The following RPA2 variants were observed in gnomAD, a reference collection of about 807,000 sequenced individuals.
RPA2 encodes the protein replication protein A2.
RPA2 carries 22 observed loss-of-function variants against 33.4 expected under a neutral mutation model. That is an observed-to-expected ratio of 0.66 (90% CI 0.47 to 0.94). RPA2 has a LOEUF of 0.94. RPA2 is among the 40% of genes least tolerant of loss of function. RPA2 has a pLI of 0.00. For missense variants in RPA2, 279 were observed against 329.9 expected, an observed-to-expected ratio of 0.85 and a Z score of 1.19; for synonymous variants, 109 against 114.9, an observed-to-expected ratio of 0.95 and a Z score of 0.33.
chr1:27,910,897 T>A (rs1389183284), intron 2 of RPA2, among the ~76,000 whole-genome samples: 1 of 152,008 alleles, frequency 6.6e-6, no homozygotes, highest in African/African-American at 2.4e-5. Context: ...TACCTAACTT[T>A]TAACTGTGGA....
chr1:27,899,305 G>A (rs930289801), intron 4 of RPA2, among the ~76,000 whole-genome samples: 2 of 151,882 alleles, frequency 1.3e-5, no homozygotes, highest in Non-Finnish European at 2.9e-5. Flanking sequence ...TCAGGAGTTC[G>A]AGACCAGCCT....
chr1:27,909,148 G>A (rs2090067258), intron 2 of RPA2, among the ~76,000 whole-genome samples: 1 of 152,164 alleles, frequency 6.6e-6, no homozygotes, highest in African/African-American at 2.4e-5. Flanking sequence ...CAAAAACGAT[G>A]AGAGCTCTTC....
Position 27,897,036 on chromosome 1 carries a change from G to T in RPA2, c.494C>A (p.Ala165Glu). The T allele has an allele frequency of 6.2e-7, 1 of 1,613,414 alleles. No individual in the cohort carries two copies. The highest frequency in any genetic ancestry group is 8.5e-7 in the Non-Finnish European group (1 of 1,179,864). Residue 165 changes from alanine (A) to glutamate (E), a missense_variant, in exon 6 of 9, where the codon GCA (alanine) becomes GAA (glutamate). By Grantham distance (107) the Ala-to-Glu change is moderately radical. Transcript: ENST00000373912. Reference protein sequence around the residue: ...FTTHILEVINAHMVLSKANSQ... With the variant: ...FTTHILEVINEHMVLSKANSQ... ...GTTGGCTTTGCTTAGTACCATGTGT[G>T]CATTGATCACTTCCAGAATATGTGT...
At chr1:27,897,537 G>C (rs1028196120) in intron 5 of RPA2, 96 bp downstream of exon 5, 47 of 761,216 alleles carry the variant, frequency 6.2e-5, no homozygotes, top group Non-Finnish European at 2.7e-5. Context: ...ATTAAACAGG[G>C]AGACTTAAGT....
intron 6 of RPA2, among the ~76,000 whole-genome samples, 189 bp downstream of exon 6, chr1:27,896,816 G>A (rs1242534300): frequency 6.6e-6 from 1 of 152,166 alleles, no homozygotes; most frequent in African/African-American, 2.4e-5. Flanking sequence ...TCCTAATTCT[G>A]AGAGAAACAT....
chr1:27,901,598 T>C (rs1213715647), intron 4 of RPA2, among the ~76,000 whole-genome samples: 2 of 152,000 alleles, frequency 1.3e-5, no homozygotes, highest in Admixed American at 1.3e-4. Context: ...TGACCTCAGG[T>C]GACCCTCCCG....
chr1:27,894,106 C>T lies in RPA2; in HGVS notation c.634G>A (p.Val212Met). 1 of 1,612,990 alleles carries T rather than the reference C, an allele frequency of 6.2e-7. No individual in the cohort carries two copies. The highest frequency in any genetic ancestry group is 8.5e-7 in the Non-Finnish European group (1 of 1,179,110). ...ANGLTVAQNQ[V>M]LNLIKACPRP... Reference sequence around the variant, plus strand: ...GGACAAGCCTTAATCAAATTCAACACCTGAAGATTCAAATCAGAAAGATTT... The same window carrying T: ...GGACAAGCCTTAATCAAATTCAACATCTGAAGATTCAAATCAGAAAGATTT... The change falls in exon 8 of 9, where the codon GTG (valine) becomes ATG (methionine). Residue 212 changes from valine to methionine, a missense_variant and splice_region_variant. Physicochemically the swap from Val to Met is conservative, Grantham distance 21. Around this residue, in one of 2 missense-constraint regions of RPA2, gnomAD observed 274 missense variants for 310.3 expected, o/e 0.88. Transcript: ENST00000373912.
At position 27,893,905 on chromosome 1, in the gene RPA2, G is replaced by A. The variant is rs558195523; in HGVS notation, c.728+107C>T. 359 of 902,916 alleles carry A rather than the reference G, an allele frequency of 4.0e-4. 1 individual carries two copies. Among genetic ancestry groups the A allele is most frequent in the Non-Finnish European group, 1.4e-4 (82 of 577,962 alleles). The allele number at this position is 902,916 out of a possible 1,614,324, so 55.9% of individuals were successfully genotyped here. ...ATTACAGGCGTGAGCCACCATGCCCGGCTGCCAAGTTTTACTTTTTAAACC... is the reference window on the plus strand; with the variant it reads ...ATTACAGGCGTGAGCCACCATGCCCAGCTGCCAAGTTTTACTTTTTAAACC... On this transcript the variant is annotated intron_variant, in intron 8 of 8. Coordinates refer to ENST00000373912, the MANE Select transcript of RPA2 (RefSeq NM_002946.5).
intron 4 of RPA2, among the ~76,000 whole-genome samples, chr1:27,899,125 C>T (rs188724659): frequency 1.3e-5 from 2 of 152,152 alleles, no homozygotes; most frequent in African/African-American, 4.8e-5. Flanking sequence ...GTAATCCTAG[C>T]ATTTTGGGAG....
At chr1:27,902,191 A>G (rs1356150298) in intron 4 of RPA2, among the ~76,000 whole-genome samples, 1 of 151,928 alleles carries the variant, frequency 6.6e-6, no homozygotes, top group African/African-American at 2.4e-5. Context: ...GGCTCAAGCA[A>G]TTCTCCTGCC....
intron 6 of RPA2, among the ~76,000 whole-genome samples, chr1:27,896,057 A>G (rs1393965511): frequency 6.8e-6 from 1 of 146,658 alleles, no homozygotes; most frequent in African/African-American, 2.4e-5. Flanking sequence ...CTATATAACT[A>G]CCTAAAATTA....
At chr1:27,898,809 G>A (rs2089925378) in intron 4 of RPA2, among the ~76,000 whole-genome samples, 1 of 151,918 alleles carries the variant, frequency 6.6e-6, no homozygotes, top group African/African-American at 2.4e-5. Context: ...CACCCGTCGC[G>A]GCCTCCCAAA....
Position 27,909,975 on chromosome 1 carries a change from T to C in RPA2, c.118-2693A>G, listed in dbSNP as rs1430497656. ...TTCAATTTTACTTTATGGTATTTTA[T>C]AGGTAAAGTTACATGCTATGTTAAT... On this transcript the variant is annotated intron_variant, in intron 2 of 8. Transcript: ENST00000373912. 5.9e-5 allele frequency among the ~76,000 whole-genome samples: 9 copies of C among 152,320 alleles called. No individual in the cohort carries two copies. In the East Asian group the frequency reaches 1.5e-3, roughly 26 times the overall value.
Position 27,914,483 on chromosome 1 carries a change from G to A in RPA2, c.-40C>T, listed in dbSNP as rs1211979370. Reference sequence around the variant, plus strand: ...TCCGCAAAGAGGCCGAGAAGGTGCGGGTCTGGGGGAATAGCGGAAAACCAC... The same window carrying A: ...TCCGCAAAGAGGCCGAGAAGGTGCGAGTCTGGGGGAATAGCGGAAAACCAC... On this transcript the variant is annotated 5_prime_UTR_variant, in exon 1 of 9. Transcript: ENST00000373912. 3 of 1,593,658 alleles carry A rather than the reference G, an allele frequency of 1.9e-6. No individual in the cohort carries two copies. In the African/African-American group the frequency reaches 4.0e-5, roughly 21 times the overall value.
At chr1:27,898,924 A>G (rs1571609228) in intron 4 of RPA2, among the ~76,000 whole-genome samples, 2 of 152,150 alleles carry the variant, frequency 1.3e-5, no homozygotes, top group East Asian at 3.8e-4. Context: ...AATTGAAAAT[A>G]TATCGGGGTA....
At chr1:27,892,634 AC>A (rs757082107) in intron 8 of RPA2, among the ~76,000 whole-genome samples, 2 of 152,120 alleles carry the variant, frequency 1.3e-5, no homozygotes, top group African/African-American at 2.4e-5. Context: ...ACACACTGAA[AC>A]CCCGTTGGTC....
intron 4 of RPA2, among the ~76,000 whole-genome samples, chr1:27,903,508 CA>C (rs2089992354): frequency 6.7e-6 from 1 of 150,200 alleles, no homozygotes; most frequent in Non-Finnish European, 1.5e-5. Flanking sequence ...CACCTGAGGT[CA>C]AAAGTTCGAG....
chr1:27,899,456 T>A (rs1224428492), intron 4 of RPA2, among the ~76,000 whole-genome samples: 2 of 142,986 alleles, frequency 1.4e-5, no homozygotes, highest in African/African-American at 2.6e-5. Flanking sequence ...AGTGAGAGAC[T>A]GTGCCACTGC....
chr1:27,901,750 C>A (rs1477057800), intron 4 of RPA2, among the ~76,000 whole-genome samples: 1 of 152,024 alleles, frequency 6.6e-6, no homozygotes, highest in Non-Finnish European at 1.5e-5. Flanking sequence ...CTAGAAAAAA[C>A]TGCACAATTT....
Sources: allele counts gnomAD v4.1 joint callset (sites outside exome capture counted in the v4.1 genomes callset), GRCh38; gene constraint gnomAD v4.1.1; regional missense constraint gnomAD v4.1.1; transcripts MANE v1.5; gene names NCBI Gene and HGNC (gene_info 2026-07-23, HGNC 2026-07-21).